Variants in NCK1 observed in about 807,000 individuals in gnomAD.
The protein encoded by NCK1 is SH2/SH3 adapter protein NCK1.
A neutral mutation model predicts 36.6 loss-of-function variants in NCK1; 19 were observed. The ratio of observed to expected loss-of-function variants is 0.52; its 90% CI spans 0.36 to 0.76. The LOEUF (loss-of-function observed/expected upper bound fraction) is 0.76. Among genes scored for constraint, NCK1 ranks in the 30% least tolerant of loss-of-function variants. The probability of loss-of-function intolerance (pLI) is 0.00; values close to 1 mark genes in which losing one functional copy is unlikely to be tolerated. For missense variants in NCK1, 358 were observed against 445.6 expected (o/e 0.80, Z 1.77); for synonymous variants, 165 against 156.0 (o/e 1.06, Z -0.43).
At chr3:136,893,586 G>T (rs1204425276) in intron 1 of NCK1, among the ~76,000 whole-genome samples, 4 of 152,068 alleles carry the variant, frequency 2.6e-5, no homozygotes, top group African/African-American at 9.7e-5. Context: ...CCCACTCTGT[G>T]GGTTGTTTAC....
At chr3:136,894,884 T>G (rs28517333) in intron 1 of NCK1, among the ~76,000 whole-genome samples, 1,199 of 17,694 alleles carry the variant, frequency 0.068, 11 homozygotes, top group Middle Eastern at 0.19. Flanking sequence ...GTTTTGTTTT[T>G]TTTTTGAGAT....
Position 136,879,545 on chromosome 3 carries a change from T to C in NCK1, c.-19+17192T>C, listed in dbSNP as rs1242539527. On this transcript the variant is annotated intron_variant, in intron 1 of 3. Transcript: ENST00000481752. ...TCAAAAAGATATTTTGAATTCTTAA[T>C]CCCTAGTACTTAAGAATGTGACCTT... Among the ~76,000 whole-genome samples the C allele has an allele frequency of 2.0e-5, 3 of 152,176 alleles. 1 individual carries two copies. Among genetic ancestry groups the C allele is most frequent in the Non-Finnish European group, 4.4e-5 (3 of 68,028 alleles).
rs965866507 is a variant in NCK1, at chr3:136,948,796, GT to G, written c.*346del. On this transcript the variant is annotated 3_prime_UTR_variant, in exon 4 of 4. Coordinates refer to ENST00000481752, the MANE Select transcript of NCK1 (RefSeq NM_001291999.2). ...AGAAATCCTTTATTGCCTTTCCTTT[GT>G]TTCCTTGTAAAGGCACCCTGTTCTG... 11 of 157,966 alleles carry G rather than the reference GT, an allele frequency of 7.0e-5. No individual in the cohort carries two copies. The highest frequency in any genetic ancestry group is 1.2e-4 in the Non-Finnish European group (9 of 72,020). The allele number at this position is 157,966 out of a possible 1,614,324, so 9.8% of individuals were successfully genotyped here.
intron 2 of NCK1, among the ~76,000 whole-genome samples, chr3:136,940,921 AT>A (rs1169048473): frequency 6.6e-6 from 1 of 151,692 alleles, no homozygotes; most frequent in Non-Finnish European, 1.5e-5. Flanking sequence ...CCATCCTTTC[AT>A]TTTCAAACCT....
At chr3:136,930,615 A>G in intron 2 of NCK1, 1 of 1,438,922 alleles carries the variant, frequency 6.9e-7, no homozygotes, top group Non-Finnish European at 9.2e-7. Flanking sequence ...CTGTTTATTA[A>G]ATCCACTGTT....
intron 1 of NCK1, among the ~76,000 whole-genome samples, chr3:136,879,902 T>A (rs1938879759): frequency 6.6e-6 from 1 of 151,314 alleles, no homozygotes; most frequent in African/African-American, 2.4e-5. Flanking sequence ...AATGACAAGT[T>A]GATGGGTGCA....
At position 136,928,099 on chromosome 3, in the gene NCK1, A is replaced by G. The variant is rs781322778; in HGVS notation, c.98A>G (p.Asp33Gly). ...AAGAATGAGAGATTATGGCTTCTGG[A>G]TGATTCTAAGTCCTGGTGGCGAGTT... Reference protein sequence around the residue: ...IKKNERLWLLDDSKSWWRVRN... With the variant: ...IKKNERLWLLGDSKSWWRVRN... Residue 33 changes from aspartate (D) to glycine (G), a missense_variant, in exon 2 of 4, where the codon GAT becomes GGT. Transcript: ENST00000481752. The G allele has an allele frequency of 6.2e-7, 1 of 1,614,180 alleles. No individual in the cohort carries two copies. Among genetic ancestry groups the G allele is most frequent in the Non-Finnish European group, 8.5e-7 (1 of 1,180,022 alleles).
intron 2 of NCK1, among the ~76,000 whole-genome samples, chr3:136,933,004 T>C (rs1245791339): frequency 6.6e-6 from 1 of 152,156 alleles, no homozygotes; most frequent in Admixed American, 6.5e-5. Flanking sequence ...AAAATCAAGA[T>C]AGAAATAAAC....
intron 1 of NCK1, among the ~76,000 whole-genome samples, chr3:136,882,872 G>GTC (rs1191888300): frequency 1.3e-5 from 2 of 152,148 alleles, no homozygotes; most frequent in African/African-American, 2.4e-5. Context: ...AATACTAGCA[G>GTC]TCTCTTTCAC....
intron 1 of NCK1, among the ~76,000 whole-genome samples, chr3:136,875,973 C>G (rs1938754980): frequency 6.6e-6 from 1 of 152,112 alleles, no homozygotes. Flanking sequence ...ACAGTGCAAT[C>G]AAACTAGAAC....
At chr3:136,944,478 G>T (rs1940760873) in intron 2 of NCK1, among the ~76,000 whole-genome samples, 1 of 152,122 alleles carries the variant, frequency 6.6e-6, no homozygotes, top group Non-Finnish European at 1.5e-5. Context: ...GGACCAGTTA[G>T]AGAAAAAATA....
chr3:136,925,328 T>C (rs923247177), intron 1 of NCK1, among the ~76,000 whole-genome samples: 1 of 152,212 alleles, frequency 6.6e-6, no homozygotes, highest in African/African-American at 2.4e-5. Context: ...TCAGTTTTTA[T>C]TTTAATTAAA....
chr3:136,914,752 C>T (rs116308064), intron 1 of NCK1, among the ~76,000 whole-genome samples: 142 of 152,238 alleles, frequency 9.3e-4, no homozygotes, highest in African/African-American at 3.2e-3. Flanking sequence ...ATTGGGAGAT[C>T]GCTTGCTATG....
At chr3:136,931,112 G>C (rs1457584180) in intron 2 of NCK1, among the ~76,000 whole-genome samples, 1 of 151,686 alleles carries the variant, frequency 6.6e-6, no homozygotes, top group Admixed American at 6.6e-5. Context: ...TTGATGTTTT[G>C]ATTAATGTGA....
At chr3:136,928,255 C>G in intron 2 of NCK1, 28 bp downstream of exon 2, 1 of 1,561,226 alleles carries the variant, frequency 6.4e-7, no homozygotes, top group Non-Finnish European at 8.7e-7. Context: ...AGAAAAGCAA[C>G]TTTGTTTTAA....
chr3:136,927,958 T>TA (rs1560049870), intron 1 of NCK1, 26 bp from the exon 2 acceptor site: 1 of 1,486,608 alleles, frequency 6.7e-7, no homozygotes, highest in East Asian at 2.3e-5. Context: ...CAACCTTACA[T>TA]AAAAATATTT....
intron 1 of NCK1, among the ~76,000 whole-genome samples, chr3:136,906,794 G>A (rs868254752): frequency 3.9e-4 from 59 of 152,256 alleles, no homozygotes; most frequent in African/African-American, 1.3e-3. Context: ...AGCTGTGGTG[G>A]TAGAGGCAGG....
chr3:136,900,019 C>T (rs1164849881), intron 1 of NCK1: 3 of 635,940 alleles, frequency 4.7e-6, no homozygotes, highest in Non-Finnish European at 8.7e-6. Context: ...TCATCACTGT[C>T]AGAGTCGCCA....
intron 2 of NCK1, among the ~76,000 whole-genome samples, chr3:136,943,404 C>T (rs761623102): frequency 3.0e-4 from 46 of 152,210 alleles, no homozygotes; most frequent in Non-Finnish European, 4.4e-5. Context: ...GTTTGAGGTA[C>T]TGATGGCACA....
Sources: allele counts gnomAD v4.1 joint callset (sites outside exome capture counted in the v4.1 genomes callset), GRCh38; gene constraint gnomAD v4.1.1; transcripts MANE v1.5; gene names NCBI Gene and HGNC (gene_info 2026-07-23, HGNC 2026-07-21).